The following PRMT3 variants were observed in gnomAD, a reference collection of about 807,000 sequenced individuals.
The protein encoded by PRMT3 is protein arginine methyltransferase 3.
A neutral mutation model predicts 71.9 loss-of-function variants in PRMT3; 62 were observed. The observed-to-expected ratio is 0.86, with a 90% CI of 0.70 to 1.07. The LOEUF (loss-of-function observed/expected upper bound fraction) is 1.07, where lower values mean the gene tolerates loss of function less well. Among genes scored for constraint, PRMT3 ranks in the 50% least tolerant of loss-of-function variants. The pLI is 0.00. For missense variants in PRMT3, 663 were observed against 643.0 expected (o/e 1.03, Z -0.34); for synonymous variants, 213 against 220.4 (o/e 0.97, Z 0.30).
chr11:20,394,536 A>G (rs1345963600), intron 5 of PRMT3, among the ~76,000 whole-genome samples: 9 of 152,182 alleles, frequency 5.9e-5, no homozygotes, highest in Admixed American at 5.2e-4. Context: ...ATGCATATAC[A>G]TTGTGAAATG....
At chr11:20,430,992 A>C (rs1849642901) in intron 10 of PRMT3, among the ~76,000 whole-genome samples, 1 of 152,150 alleles carries the variant, frequency 6.6e-6, no homozygotes, top group African/African-American at 2.4e-5. Flanking sequence ...TGCCTACTTA[A>C]TAAAACTGTT....
chr11:20,464,713 A>T (rs762212085), intron 13 of PRMT3, among the ~76,000 whole-genome samples, 167 bp downstream of exon 13: 3 of 152,184 alleles, frequency 2.0e-5, no homozygotes, highest in Non-Finnish European at 4.4e-5. Flanking sequence ...TAGGTCAGTA[A>T]ACTTCAAAAA....
chr11:20,453,382 C>T (rs375451206), intron 11 of PRMT3, among the ~76,000 whole-genome samples: 5 of 149,736 alleles, frequency 3.3e-5, no homozygotes, highest in Non-Finnish European at 5.9e-5. Flanking sequence ...CCTATAGTCC[C>T]GACAGGAGAA....
In PRMT3 at chr11:20,387,998, A is replaced by AT. The variant is rs553568734; in HGVS notation, c.29-19dup. Reference sequence around the variant, plus strand: ...CGCACCGGTGTCCGAGGCCGATCTGATTGTTGTGTGTGTGTGTTAGGCGGC... The same window carrying AT: ...CGCACCGGTGTCCGAGGCCGATCTGATTTGTTGTGTGTGTGTGTTAGGCGGC... On this transcript the variant is annotated intron_variant, in intron 1 of 15. Coordinates refer to ENST00000331079, the MANE Select transcript of PRMT3 (RefSeq NM_005788.4). This position sits in a 1 kb window ranked among gnomAD's most constrained non-coding sequence, Gnocchi z 4.3. 288 of 1,613,444 alleles carry AT rather than the reference A, an allele frequency of 1.8e-4. 5 individuals carry two copies. In the East Asian group the frequency reaches 6.4e-3, roughly 36 times the overall value.
At chr11:20,504,707 T>TGTGTGTGAGA (rs1332372470) in intron 15 of PRMT3, among the ~76,000 whole-genome samples, 17 of 133,646 alleles carry the variant, frequency 1.3e-4, no homozygotes, top group African/African-American at 4.5e-4. Context: ...TGTGTGTGTG[T>TGTGTGTGAGA]GAGAGAGAGA....
At position 20,452,178 on chromosome 11, in the gene PRMT3, A is replaced by G. The variant is rs974079750; in HGVS notation, c.1042A>G (p.Lys348Glu). 9 of 1,610,864 alleles carry G rather than the reference A, an allele frequency of 5.6e-6. No homozygotes were observed. The highest frequency in any genetic ancestry group is 1.1e-5 in the South Asian group (1 of 91,004). The change falls in exon 11 of 16, where the codon AAG becomes GAG. Residue 348 changes from lysine to glutamate, a missense_variant. Lys to Glu is a moderately conservative substitution (Grantham distance 56, BLOSUM62 1). Transcript: ENST00000331079. ...ESMLDSVLYA[K>E]NKYLAKGGSV... is the part of the protein sequence containing the mutation. The stretch of plus-strand genomic sequence containing the variant: ...TATGTTAGATTCTGTCCTTTATGCA[A>G]AGAACAAATACTTGGCAAAAGGAGG...
intron 13 of PRMT3, among the ~76,000 whole-genome samples, chr11:20,477,052 T>G (rs1201809648): frequency 6.6e-6 from 1 of 152,180 alleles, no homozygotes; most frequent in East Asian, 1.9e-4. Flanking sequence ...GATCAAGCCC[T>G]TCCCTGTGGC....
At chr11:20,415,002 A>C (rs1446155332) in intron 9 of PRMT3, among the ~76,000 whole-genome samples, 4 of 144,206 alleles carry the variant, frequency 2.8e-5, no homozygotes, top group Admixed American at 2.1e-4. Context: ...TTTTAAAGAC[A>C]GTGGTGGTGG....
intron 3 of PRMT3, among the ~76,000 whole-genome samples, chr11:20,390,513 G>A (rs1293397449): frequency 2.6e-5 from 4 of 152,208 alleles, no homozygotes; most frequent in African/African-American, 7.2e-5. Context: ...CACAGCCTAC[G>A]AGACTGAGTT....
intron 9 of PRMT3, among the ~76,000 whole-genome samples, chr11:20,414,215 A>G (rs1849253482): frequency 6.6e-6 from 1 of 152,002 alleles, no homozygotes; most frequent in Non-Finnish European, 1.5e-5. Flanking sequence ...TCTACTAACA[A>G]TTTTTATCTT....
chr11:20,415,193 G>A (rs1382589453), intron 9 of PRMT3, among the ~76,000 whole-genome samples: 2 of 151,972 alleles, frequency 1.3e-5, no homozygotes, highest in Admixed American at 6.6e-5. Context: ...CACTGATGAG[G>A]CTAAAATGGT....
At position 20,497,069 on chromosome 11, in the gene PRMT3, A is replaced by G. The variant is rs80323105; in HGVS notation, c.1486+2815A>G. On this transcript the variant is annotated intron_variant, in intron 15 of 15. Coordinates refer to ENST00000331079, the MANE Select transcript of PRMT3 (RefSeq NM_005788.4). ...TTGCTTTTTTTTCTTCATTGTAGCCATTTTGTCATCTTAATACTAGAATTT... is the reference window on the plus strand; with the variant it reads ...TTGCTTTTTTTTCTTCATTGTAGCCGTTTTGTCATCTTAATACTAGAATTT... Among the ~76,000 whole-genome samples, 1,117 of 152,148 alleles carry G rather than the reference A, an allele frequency of 7.3e-3. 17 individuals carry two copies. Among genetic ancestry groups the G allele is most frequent in the African/African-American group, 0.02 (848 of 41,512 alleles).
chr11:20,390,894 C>CA (rs1232531512), intron 3 of PRMT3, among the ~76,000 whole-genome samples: 4 of 151,980 alleles, frequency 2.6e-5, no homozygotes, highest in Non-Finnish European at 5.9e-5. Context: ...ACTAAAAATA[C>CA]AAAAAATTAG....
intron 11 of PRMT3, 36 bp from the exon 12 acceptor site, chr11:20,461,944 A>G (rs866780674): frequency 6.8e-7 from 1 of 1,461,336 alleles, no homozygotes; most frequent in Non-Finnish European, 9.2e-7. Flanking sequence ...AGAAAGGGAG[A>G]TAATGCTTAA....
At chr11:20,463,747 A>G (rs1465975799) in intron 12 of PRMT3, among the ~76,000 whole-genome samples, 1 of 152,114 alleles carries the variant, frequency 6.6e-6, no homozygotes, top group Non-Finnish European at 1.5e-5. Flanking sequence ...GGCTGGATCT[A>G]CTCAGCTGAT....
chr11:20,474,846 T>A (rs1850741050), intron 13 of PRMT3, among the ~76,000 whole-genome samples: 1 of 152,248 alleles, frequency 6.6e-6, no homozygotes, highest in African/African-American at 2.4e-5. Context: ...TTATGTCTTT[T>A]ATGCAGCTTG....
At chr11:20,443,604 G>T (rs560800886) in intron 10 of PRMT3, among the ~76,000 whole-genome samples, 9 of 152,244 alleles carry the variant, frequency 5.9e-5, no homozygotes, top group African/African-American at 2.2e-4. Flanking sequence ...TACCATTAAT[G>T]AATTTTTTTC....
chr11:20,395,718 C>G, intron 5 of PRMT3, 85 bp from the exon 6 acceptor site: 1 of 1,315,678 alleles, frequency 7.6e-7, no homozygotes, highest in East Asian at 2.4e-5. Flanking sequence ...ATAGTAGAAA[C>G]TTAGGGCGTA....
chr11:20,487,270 C>T (rs1033990423), intron 13 of PRMT3, among the ~76,000 whole-genome samples: 1 of 152,070 alleles, frequency 6.6e-6, no homozygotes, highest in Non-Finnish European at 1.5e-5. Context: ...ACCAGTAGTT[C>T]TCTTAGGTAT....
Sources: gnomAD v4.1 joint callset for allele counts (sites outside exome capture counted in the v4.1 genomes callset) on GRCh38, gnomAD v4.1.1 for gene constraint, Gnocchi (gnomAD v3.1) non-coding constraint, MANE v1.5 for transcripts, NCBI Gene and HGNC (gene_info 2026-07-23, HGNC 2026-07-21) for gene names.